The following CNTNAP2 variants were observed in gnomAD, a reference collection of about 807,000 sequenced individuals.
The protein encoded by CNTNAP2 is contactin-associated protein-like 2.
In CNTNAP2, 98 loss-of-function variants were observed where a neutral mutation model predicts 155.2. The observed-to-expected ratio is 0.63, with a 90% CI of 0.54 to 0.75. The LOEUF (loss-of-function observed/expected upper bound fraction) is 0.75. CNTNAP2 is among the 30% of genes least tolerant of loss of function. The pLI, the probability that CNTNAP2 is intolerant of heterozygous loss-of-function variation, is 0.00. For missense variants in CNTNAP2, 1,727 were observed against 1,688.1 expected (o/e 1.02, Z -0.40); for synonymous variants, 651 against 631.2 (o/e 1.03, Z -0.47).
intron 23 of CNTNAP2, among the ~76,000 whole-genome samples, chr7:148,411,973 C>T (rs1299042452): frequency 6.6e-6 from 1 of 151,738 alleles, no homozygotes; most frequent in Non-Finnish European, 1.5e-5. Flanking sequence ...AGATGGGAGT[C>T]TTGCTTTGTT....
rs989676665 is a variant in CNTNAP2 at position 148,229,512 on chromosome 7, G to C, written c.3248-134G>C. On this transcript the variant is annotated intron_variant, in intron 19 of 23. Coordinates refer to ENST00000361727, the MANE Select transcript of CNTNAP2 (RefSeq NM_014141.6). ...TGCACTCCAGCCTGGGCAAGAGCAA[G>C]ACTCCGTCAAAAAAAAGAAAGAAAA... is the stretch of plus-strand genomic sequence containing the variant. 1.7e-5 allele frequency: 20 copies of C among 1,210,664 alleles called. No individual in the cohort carries two copies. In the African/African-American group the frequency reaches 3.0e-4, roughly 18 times the overall value. 75.0% of individuals were successfully genotyped at this position (1,210,664 alleles called of 1,614,324 possible). A position where few individuals can be genotyped will look rare whatever the true frequency, so the allele number is the denominator to read the frequency against.
At chr7:147,458,849 A>G (rs1342196074) in intron 10 of CNTNAP2, among the ~76,000 whole-genome samples, 2 of 152,246 alleles carry the variant, frequency 1.3e-5, no homozygotes, top group Non-Finnish European at 2.9e-5. Flanking sequence ...TTTTAAAAGT[A>G]TGGAGCTGGC....
chr7:147,165,772 A>G (rs1279751457), intron 8 of CNTNAP2, among the ~76,000 whole-genome samples: 3 of 152,166 alleles, frequency 2.0e-5, no homozygotes, highest in African/African-American at 7.2e-5. Flanking sequence ...GTTGAAGATC[A>G]GTTGGCTTTA....
At chr7:146,563,707 A>C (rs1267504204) in intron 1 of CNTNAP2, among the ~76,000 whole-genome samples, 1 of 152,162 alleles carries the variant, frequency 6.6e-6, no homozygotes, top group Non-Finnish European at 1.5e-5. Context: ...CAATATCTTA[A>C]GACCAGTTAA....
intron 1 of CNTNAP2, among the ~76,000 whole-genome samples, chr7:146,515,754 A>G (rs1233196253): frequency 6.6e-6 from 1 of 152,040 alleles, no homozygotes; most frequent in Admixed American, 6.6e-5. Flanking sequence ...CACTGGTCCT[A>G]TGGAAAACTA....
intron 13 of CNTNAP2, among the ~76,000 whole-genome samples, chr7:147,793,958 A>G (rs1207061321): frequency 6.6e-6 from 1 of 151,882 alleles, no homozygotes; most frequent in Non-Finnish European, 1.5e-5. Context: ...TTTTATATTT[A>G]GATTATTTAT....
intron 14 of CNTNAP2, among the ~76,000 whole-genome samples, chr7:147,968,698 G>A (rs1029901583): frequency 6.6e-6 from 1 of 152,110 alleles, no homozygotes; most frequent in African/African-American, 2.4e-5. Flanking sequence ...TCCCTTTTAA[G>A]AACATGAAAT....
intron 8 of CNTNAP2, among the ~76,000 whole-genome samples, chr7:147,161,378 A>G (rs754199956): frequency 1.5e-4 from 23 of 152,154 alleles, no homozygotes; most frequent in Non-Finnish European, 3.2e-4. Context: ...TTTTGAGCAC[A>G]TATGTGTATA....
intron 13 of CNTNAP2, among the ~76,000 whole-genome samples, chr7:147,877,859 A>T (rs2116710818): frequency 6.6e-6 from 1 of 152,336 alleles, no homozygotes; most frequent in Non-Finnish European, 1.5e-5. Context: ...TCTTTAAAAG[A>T]TATTAAATCA....
At chr7:146,990,809 A>G (rs1798195341) in intron 3 of CNTNAP2, among the ~76,000 whole-genome samples, 1 of 151,986 alleles carries the variant, frequency 6.6e-6, no homozygotes, top group African/African-American at 2.4e-5. Flanking sequence ...AAGCTCATTG[A>G]CTCAGTCAAA....
chr7:147,181,434 T>A (rs1394715034), intron 8 of CNTNAP2, among the ~76,000 whole-genome samples: 1 of 152,258 alleles, frequency 6.6e-6, no homozygotes, highest in Non-Finnish European at 1.5e-5. Flanking sequence ...TTAAAATCTT[T>A]GGTAAGTTTT....
intron 11 of CNTNAP2, among the ~76,000 whole-genome samples, chr7:147,512,828 G>T (rs1394197971): frequency 6.6e-6 from 1 of 152,068 alleles, no homozygotes; most frequent in Non-Finnish European, 1.5e-5. Context: ...GCATAGTTTT[G>T]AATGATGAAA....
chr7:147,728,238 A>G lies in CNTNAP2; in HGVS notation c.2098+88932A>G, dbSNP rs535744879. On this transcript the variant is annotated intron_variant, in intron 13 of 23. Coordinates refer to ENST00000361727, the MANE Select transcript of CNTNAP2 (RefSeq NM_014141.6). ...TTAGTAAAACAAAAGTGTTAGCAGA[A>G]TTTTTACATTCAAGTTTTCTGACAG... 5.3e-5 allele frequency among the ~76,000 whole-genome samples: 8 copies of G among 152,084 alleles called. No homozygotes were observed. In the East Asian group the frequency reaches 1.4e-3, roughly 26 times the overall value.
intron 22 of CNTNAP2, among the ~76,000 whole-genome samples, chr7:148,386,235 A>C (rs953237349): frequency 1.3e-5 from 2 of 152,148 alleles, no homozygotes; most frequent in Admixed American, 6.6e-5. Context: ...AATTACAAGG[A>C]CAGAAAACAG....
chr7:147,769,559 A>G (rs536778535), intron 13 of CNTNAP2, among the ~76,000 whole-genome samples: 2 of 152,290 alleles, frequency 1.3e-5, no homozygotes, highest in South Asian at 2.1e-4. Context: ...TTGATGGAAT[A>G]AGTGGTAGGG....
chr7:146,634,172 TCAGCTGTTCACTATGAGATTA>T (rs1325735091), intron 1 of CNTNAP2, among the ~76,000 whole-genome samples: 1 of 152,196 alleles, frequency 6.6e-6, no homozygotes, highest in Non-Finnish European at 1.5e-5. Context: ...GTCAATGAAA[TCAGCTGTTCACTATGAGATTA>T]CAGTGTGGCT....
chr7:147,031,989 T>C (rs75909997), intron 3 of CNTNAP2, among the ~76,000 whole-genome samples: 8,628 of 152,288 alleles, frequency 0.057, 330 homozygotes, highest in Middle Eastern at 0.13. Flanking sequence ...GTGGCATTAA[T>C]TGAAAAGAAT....
intron 8 of CNTNAP2, among the ~76,000 whole-genome samples, chr7:147,221,999 C>T (rs1350632335): frequency 6.6e-6 from 1 of 152,134 alleles, no homozygotes; most frequent in Non-Finnish European, 1.5e-5. Context: ...CACCCACCCC[C>T]TCTCTGGCTT....
At chr7:148,358,688 T>C (rs1440272393) in intron 21 of CNTNAP2, among the ~76,000 whole-genome samples, 1 of 152,134 alleles carries the variant, frequency 6.6e-6, no homozygotes, top group Non-Finnish European at 1.5e-5. Context: ...AAGCGCGTAA[T>C]CAGGAATGCA....
Sources: gnomAD v4.1 joint callset for allele counts (sites outside exome capture counted in the v4.1 genomes callset) on GRCh38, gnomAD v4.1.1 for gene constraint, MANE v1.5 for transcripts, NCBI Gene and HGNC (gene_info 2026-07-23, HGNC 2026-07-21) for gene names.